SLC38A1: variants seen among roughly 807,000 people sequenced by gnomAD.
SLC38A1 encodes solute carrier family 38 member 1.
A neutral mutation model predicts 60.3 loss-of-function variants in SLC38A1; 18 were observed. That is an observed-to-expected ratio of 0.30 (90% CI 0.21 to 0.44). SLC38A1 has a LOEUF of 0.44. Ranked by LOEUF, SLC38A1 falls within the 20% of genes least tolerant of loss-of-function variation. The pLI is 1.00. For synonymous variants in SLC38A1, 196 were observed against 212.1 expected, an observed-to-expected ratio of 0.92 and a Z score of 0.66; for missense variants, 448 against 587.2, an observed-to-expected ratio of 0.76 and a Z score of 2.45.
At chr12:46,262,649 T>C (rs1942234605) in intron 1 of SLC38A1, among the ~76,000 whole-genome samples, 1 of 152,228 alleles carries the variant, frequency 6.6e-6, no homozygotes, top group Non-Finnish European at 1.5e-5. Flanking sequence ...GTTTTGTGTG[T>C]TTGTTTTTAA....
intron 1 of SLC38A1, among the ~76,000 whole-genome samples, chr12:46,256,610 CG>C (rs1246519013): frequency 1.8e-4 from 16 of 89,000 alleles, no homozygotes; most frequent in Non-Finnish European, 3.4e-4. Context: ...TGCGCGCGCG[CG>C]CGCACACACA....
At chr12:46,222,823 T>C (rs968742694) in intron 5 of SLC38A1, among the ~76,000 whole-genome samples, 2 of 152,094 alleles carry the variant, frequency 1.3e-5, no homozygotes, top group Non-Finnish European at 1.5e-5. Context: ...GGTTTATTGG[T>C]TTCACAATAT....
At chr12:46,233,541 A>C (rs1941152637) in intron 3 of SLC38A1, among the ~76,000 whole-genome samples, 1 of 152,230 alleles carries the variant, frequency 6.6e-6, no homozygotes, top group African/African-American at 2.4e-5. Flanking sequence ...CTGGGTTGGT[A>C]GCAAAGCATA....
chr12:46,236,051 A>G (rs906689971), intron 3 of SLC38A1, among the ~76,000 whole-genome samples: 6 of 152,204 alleles, frequency 3.9e-5, no homozygotes, highest in Non-Finnish European at 8.8e-5. Context: ...TTTTACCGAT[A>G]GACTTTTCTC....
chr12:46,202,859 G>T, intron 12 of SLC38A1, 151 bp downstream of exon 12: 1 of 546,026 alleles, frequency 1.8e-6, no homozygotes, highest in Non-Finnish European at 3.2e-6. Flanking sequence ...TACAATGCTT[G>T]TTTAAGAATG....
intron 16 of SLC38A1, 72 bp from the exon 17 acceptor site, chr12:46,189,143 A>T: frequency 8.9e-7 from 1 of 1,128,588 alleles, no homozygotes; most frequent in Non-Finnish European, 1.3e-6. Context: ...GGGAAAAAAA[A>T]TAGAACAGTT....
At chr12:46,231,728 T>G (rs372166804) in intron 3 of SLC38A1, among the ~76,000 whole-genome samples, 9 of 152,172 alleles carry the variant, frequency 5.9e-5, no homozygotes, top group East Asian at 3.9e-4. Context: ...CAATCTCCAC[T>G]TCCCAGGCTC....
rs565887639 is a variant in SLC38A1, at chr12:46,186,434, T to C, written c.*2536A>G. On this transcript the variant is annotated 3_prime_UTR_variant, in exon 17 of 17. Transcript: ENST00000398637. The stretch of plus-strand genomic sequence containing the variant: ...AATCTACTAATTTAGCAGAAAAACT[T>C]CCATAGCACTTGACTGTGCTGTTTA... 1 of 152,292 alleles carries C rather than the reference T, an allele frequency of 6.6e-6. No individual in the cohort carries two copies. Among genetic ancestry groups the C allele is most frequent in the East Asian group, 1.9e-4 (1 of 5,194 alleles). 9.4% of individuals were successfully genotyped at this position (152,292 alleles called of 1,614,324 possible).
At chr12:46,216,755 G>A (rs956202401) in intron 5 of SLC38A1, among the ~76,000 whole-genome samples, 7 of 152,148 alleles carry the variant, frequency 4.6e-5, no homozygotes, top group Non-Finnish European at 7.3e-5. Flanking sequence ...AGCTACTCGG[G>A]AGGCTGAGGC....
intron 3 of SLC38A1, among the ~76,000 whole-genome samples, chr12:46,234,148 T>C (rs761147255): frequency 1.3e-5 from 2 of 152,232 alleles, no homozygotes; most frequent in African/African-American, 4.8e-5. Flanking sequence ...ACCTACTTAT[T>C]ACTTTATCTG....
chr12:46,196,208 T>C (rs1292696721), intron 16 of SLC38A1: 3 of 1,536,038 alleles, frequency 2.0e-6, no homozygotes, highest in South Asian at 2.4e-5. Flanking sequence ...GTGAGAGCGC[T>C]GCAGGGAGAA....
In SLC38A1 at chr12:46,199,697, C is replaced by T. The variant is rs180933358; in HGVS notation, c.1004-954G>A. On this transcript the variant is annotated intron_variant, in intron 13 of 16. Transcript: ENST00000398637. ...TGAACTTTTTCTCAATCCAGAACTT[C>T]AGAAAGTGTTATTTCAAAGACTAAC... 1.1e-4 allele frequency among the ~76,000 whole-genome samples: 17 copies of T among 152,116 alleles called. No individual in the cohort carries two copies. In the East Asian group the frequency reaches 3.1e-3, roughly 28 times the overall value.
At chr12:46,202,970 T>A (rs370088548) in intron 12 of SLC38A1, 40 bp downstream of exon 12, 12 of 1,489,376 alleles carry the variant, frequency 8.1e-6, no homozygotes, top group Non-Finnish European at 1.1e-5. Context: ...AATGAGGGGA[T>A]GTAAAACGAT....
intron 3 of SLC38A1, among the ~76,000 whole-genome samples, chr12:46,230,550 A>G (rs900216149): frequency 1.3e-5 from 2 of 152,202 alleles, no homozygotes; most frequent in African/African-American, 4.8e-5. Context: ...TCAGTCCAGC[A>G]CCTGGCACAG....
chr12:46,222,922 C>T (rs1295127206), intron 5 of SLC38A1, among the ~76,000 whole-genome samples: 1 of 152,142 alleles, frequency 6.6e-6, no homozygotes, highest in African/African-American at 2.4e-5. Context: ...AAGCTGTTTT[C>T]ATGACAGTAA....
rs1480363985 is a variant in SLC38A1, at chr12:46,239,487, C to T, written c.122+192G>A. 8.6e-5 allele frequency: 41 copies of T among 474,478 alleles called. No homozygotes were observed. The East Asian group carries it at 1.6e-3, about 19-fold the overall frequency. 29.4% of individuals were successfully genotyped at this position (474,478 alleles called of 1,614,324 possible). On this transcript the variant is annotated intron_variant, in intron 3 of 16. Coordinates refer to ENST00000398637, the MANE Select transcript of SLC38A1 (RefSeq NM_030674.4). ...CTACAGGCATGCACCACATGCCTGG[C>T]TAATTTTTTGTATTTTTAGTAGAGA...
chr12:46,263,237 C>G (rs1942253273), intron 1 of SLC38A1, among the ~76,000 whole-genome samples: 1 of 151,994 alleles, frequency 6.6e-6, no homozygotes, highest in Non-Finnish European at 1.5e-5. Flanking sequence ...GTTAAGATCC[C>G]CAGATTGAGA....
At chr12:46,202,931 C>A in intron 12 of SLC38A1, 79 bp downstream of exon 12, 1 of 1,043,058 alleles carries the variant, frequency 9.6e-7, no homozygotes, top group Non-Finnish European at 1.5e-6. Context: ...TAGACAAGTC[C>A]GTTTATTTTA....
intron 2 of SLC38A1, among the ~76,000 whole-genome samples, chr12:46,242,041 T>A (rs973454023): frequency 6.6e-6 from 1 of 152,162 alleles, no homozygotes; most frequent in Non-Finnish European, 1.5e-5. Flanking sequence ...TGTATGTATA[T>A]ATATGTGAGT....
Sources: gnomAD v4.1 joint callset for allele counts (sites outside exome capture counted in the v4.1 genomes callset) on GRCh38, gnomAD v4.1.1 for gene constraint, MANE v1.5 for transcripts, NCBI Gene and HGNC (gene_info 2026-07-23, HGNC 2026-07-21) for gene names.